Variants in PAPPA2 observed in about 807,000 individuals in gnomAD.
PAPPA2 encodes the protein pappalysin-2.
Under a neutral mutation model 176.4 loss-of-function variants are expected in PAPPA2, and 86 were observed. That is an observed-to-expected ratio of 0.49 (90% CI 0.41 to 0.58). The LOEUF is 0.58. Ranked by LOEUF, PAPPA2 falls within the 20% of genes least tolerant of loss-of-function variation. PAPPA2 has a pLI of 0.00. For missense variants in PAPPA2, 2,073 were observed against 2,256.9 expected, an observed-to-expected ratio of 0.92 and a Z score of 1.65; for synonymous variants, 809 against 852.2, an observed-to-expected ratio of 0.95 and a Z score of 0.88.
intron 18 of PAPPA2, 71 bp downstream of exon 18, chr1:176,790,048 G>A: frequency 6.6e-7 from 1 of 1,521,976 alleles, no homozygotes; most frequent in Admixed American, 1.9e-5. Flanking sequence ...CAAGAAATTT[G>A]AGAAATGAAA....
chr1:176,745,063 G>T (rs1662845381), intron 14 of PAPPA2, among the ~76,000 whole-genome samples: 1 of 152,104 alleles, frequency 6.6e-6, no homozygotes, highest in Admixed American at 6.6e-5. Context: ...TGCCAATCAG[G>T]TGTGCTAGTT....
intron 1 of PAPPA2, among the ~76,000 whole-genome samples, chr1:176,492,528 C>G (rs1375406929): frequency 6.6e-6 from 1 of 152,130 alleles, no homozygotes; most frequent in Non-Finnish European, 1.5e-5. Context: ...AAAGGTGCTT[C>G]CAGGTCAGAA....
intron 22 of PAPPA2, among the ~76,000 whole-genome samples, chr1:176,841,194 A>C (rs926472055): frequency 2.0e-5 from 3 of 152,196 alleles, no homozygotes; most frequent in Non-Finnish European, 2.9e-5. Flanking sequence ...CTTGGAACAA[A>C]GGTCAGAAAT....
At chr1:176,715,965 G>A (rs1323265667) in intron 12 of PAPPA2, among the ~76,000 whole-genome samples, 1 of 150,944 alleles carries the variant, frequency 6.6e-6, no homozygotes, top group Non-Finnish European at 1.5e-5. Flanking sequence ...AATAAAATAT[G>A]CTATACATAT....
At chr1:176,557,936 A>G (rs1460547546) in intron 2 of PAPPA2, among the ~76,000 whole-genome samples, 2 of 152,102 alleles carry the variant, frequency 1.3e-5, no homozygotes, top group East Asian at 1.9e-4. Flanking sequence ...ACTTTTTATA[A>G]CTCCATGATT....
intron 1 of PAPPA2, among the ~76,000 whole-genome samples, chr1:176,518,036 T>C (rs550723532): frequency 1.2e-4 from 18 of 152,140 alleles, no homozygotes; most frequent in Non-Finnish European, 2.1e-4. Flanking sequence ...TGACCAACTG[T>C]CTAACCCCCT....
intron 12 of PAPPA2, among the ~76,000 whole-genome samples, chr1:176,716,609 T>TA (rs1274512338): frequency 5.5e-5 from 8 of 146,626 alleles, no homozygotes; most frequent in African/African-American, 2.0e-4. Flanking sequence ...CTTCTTTTTT[T>TA]TTTTTTTTTT....
At chr1:176,804,751 C>T (rs958986511) in intron 21 of PAPPA2, among the ~76,000 whole-genome samples, 5 of 152,152 alleles carry the variant, frequency 3.3e-5, no homozygotes, top group African/African-American at 1.2e-4. Flanking sequence ...CTTAGCTACT[C>T]AACACGATGT....
At chr1:176,722,659 G>A (rs919291184) in intron 12 of PAPPA2, among the ~76,000 whole-genome samples, 1 of 151,918 alleles carries the variant, frequency 6.6e-6, no homozygotes, top group Non-Finnish European at 1.5e-5. Flanking sequence ...TACCTCAAAG[G>A]CTAAAGTAGC....
intron 14 of PAPPA2, among the ~76,000 whole-genome samples, chr1:176,754,362 A>G (rs1663321092): frequency 6.6e-6 from 1 of 152,232 alleles, no homozygotes; most frequent in South Asian, 2.1e-4. Flanking sequence ...TTAAGTCTCA[A>G]CAATCTCCAG....
intron 3 of PAPPA2, among the ~76,000 whole-genome samples, chr1:176,667,504 C>T (rs1352729801): frequency 6.6e-6 from 1 of 152,112 alleles, no homozygotes; most frequent in Non-Finnish European, 1.5e-5. Flanking sequence ...TGAGGTTGCA[C>T]CGAACAACCT....
At chr1:176,484,763 T>G (rs1652573493) in intron 1 of PAPPA2, among the ~76,000 whole-genome samples, 1 of 152,226 alleles carries the variant, frequency 6.6e-6, no homozygotes, top group Non-Finnish European at 1.5e-5. Flanking sequence ...TGTCATCTGT[T>G]TTATCCATTA....
intron 12 of PAPPA2, among the ~76,000 whole-genome samples, chr1:176,738,823 C>G (rs913636666): frequency 2.6e-5 from 4 of 152,188 alleles, no homozygotes; most frequent in Non-Finnish European, 5.9e-5. Context: ...TCCAAACTCT[C>G]TAAGATGTTT....
At chr1:176,719,160 A>G (rs1661505825) in intron 12 of PAPPA2, among the ~76,000 whole-genome samples, 1 of 152,006 alleles carries the variant, frequency 6.6e-6, no homozygotes. Flanking sequence ...GAAACCTGCA[A>G]CCTTAATAAT....
In PAPPA2 at chr1:176,740,145, C is replaced by T. The variant is rs374184712; in HGVS notation, c.4100C>T (p.Ala1367Val). 39 of 1,613,740 alleles carry T rather than the reference C, an allele frequency of 2.4e-5. No individual in the cohort carries two copies. In the African/African-American group the frequency reaches 4.3e-4, roughly 18 times the overall value. ...ACATCCTCCCGCATTGGTCTTTCGG[C>T]TCCCAGTAACTGCATCTCAGAGGAC... is the stretch of plus-strand genomic sequence containing the variant. ...LRTSSRIGLS[A>V]PSNCISEDEG... is the part of the protein sequence containing the mutation. Residue 1367 changes from alanine to valine, a missense_variant, in exon 14 of 23, where the codon GCT becomes GTT. Coordinates refer to ENST00000367662, the MANE Select transcript of PAPPA2 (RefSeq NM_020318.3).
rs766676687 is a variant in PAPPA2 at position 176,711,947 on chromosome 1, G to T, written c.3764G>T (p.Gly1255Val). 6.2e-7 allele frequency: 1 copy of T among 1,613,546 alleles called. No individual in the cohort carries two copies. Among genetic ancestry groups the T allele is most frequent in the Non-Finnish European group, 8.5e-7 (1 of 1,179,538 alleles). Residue 1255 changes from glycine to valine, a missense_variant, in exon 12 of 23, where the codon GGT (glycine) becomes GTT (valine). Physicochemically the swap from Gly to Val is moderately radical, Grantham distance 109 (BLOSUM62 -3). Coordinates refer to ENST00000367662, the MANE Select transcript of PAPPA2 (RefSeq NM_020318.3). ...TQDDRSEQPE[G>V]SLKKEDEVWL... is the part of the protein sequence containing the mutation. ...GATGACAGGAGTGAACAGCCAGAAG[G>T]TAGCCTGAAGAAAGAGGATGAGGTT... is the stretch of plus-strand genomic sequence containing the variant.
chr1:176,831,600 C>T (rs1328696249), intron 21 of PAPPA2, among the ~76,000 whole-genome samples: 2 of 152,144 alleles, frequency 1.3e-5, no homozygotes, highest in Non-Finnish European at 2.9e-5. Context: ...CTGTCTCTCC[C>T]AGAGGAGAGA....
chr1:176,475,040 G>A (rs1180041682), intron 1 of PAPPA2, among the ~76,000 whole-genome samples: 1 of 152,128 alleles, frequency 6.6e-6, no homozygotes, highest in East Asian at 1.9e-4. Flanking sequence ...TTGTTGGTTG[G>A]TGGTATTAAG....
At chr1:176,833,844 C>CTG (rs934899874) in intron 21 of PAPPA2, among the ~76,000 whole-genome samples, 5 of 148,592 alleles carry the variant, frequency 3.4e-5, no homozygotes, top group East Asian at 1.9e-4. Context: ...GTATATGTGT[C>CTG]TGTGTGTGTA....
Sources: allele counts gnomAD v4.1 joint callset (sites outside exome capture counted in the v4.1 genomes callset), GRCh38; gene constraint gnomAD v4.1.1; transcripts MANE v1.5; gene names NCBI Gene and HGNC (gene_info 2026-07-23, HGNC 2026-07-21).